TMEM266: variants seen among roughly 807,000 people sequenced by gnomAD.
TMEM266 encodes the protein Hv1 related protein 1.
In TMEM266, 33 loss-of-function variants were observed where a neutral mutation model predicts 50.5. That is an observed-to-expected ratio of 0.65 (90% CI 0.50 to 0.87). TMEM266 has a LOEUF of 0.87. Among genes scored for constraint, TMEM266 ranks in the 40% least tolerant of loss-of-function variants. TMEM266 has a pLI of 0.00. For synonymous variants in TMEM266, 310 were observed against 292.3 expected (o/e 1.06, Z -0.62); for missense variants, 655 against 695.1 (o/e 0.94, Z 0.65).
intron 3 of TMEM266, among the ~76,000 whole-genome samples, chr15:76,140,549 C>G (rs1054145693): frequency 6.6e-6 from 1 of 152,160 alleles, no homozygotes; most frequent in East Asian, 1.9e-4. Context: ...CTCAGGGACC[C>G]TGGCAGAAAG....
At chr15:76,167,993 T>C (rs1342407887) in intron 5 of TMEM266, among the ~76,000 whole-genome samples, 1 of 152,214 alleles carries the variant, frequency 6.6e-6, no homozygotes, top group African/African-American at 2.4e-5. Flanking sequence ...ATATAGTAGA[T>C]GGCAGATATT....
intron 1 of TMEM266, among the ~76,000 whole-genome samples, chr15:76,067,512 A>T (rs1249933640): frequency 6.6e-6 from 1 of 151,876 alleles, no homozygotes; most frequent in Non-Finnish European, 1.5e-5. Context: ...GTGTGGTGGC[A>T]CATGCCTGTA....
Position 76,153,603 on chromosome 15 carries a change from G to C in TMEM266, c.228-3001G>C, listed in dbSNP as rs1292194745. On this transcript the variant is annotated intron_variant, in intron 3 of 10. Transcript: ENST00000388942. The surrounding 1 kb of genome is among the most constrained non-coding windows in gnomAD (Gnocchi z 4.2). ...AAAAGACCATGCTAGAGCTGTGGGG[G>C]AGGAGTGAGCAGGCAGAGGGCAGGA... Among the ~76,000 whole-genome samples the C allele has an allele frequency of 6.6e-6, 1 of 152,218 alleles. No individual in the cohort carries two copies. The highest frequency in any genetic ancestry group is 2.4e-5 in the African/African-American group (1 of 41,460).
chr15:76,203,657 C>G (rs1213845106), intron 10 of TMEM266, 84 bp from the exon 11 acceptor site: 3 of 1,337,090 alleles, frequency 2.2e-6, no homozygotes, highest in African/African-American at 2.9e-5. Context: ...TCATTGCCCA[C>G]CGCCCGGCTC....
intron 1 of TMEM266, among the ~76,000 whole-genome samples, chr15:76,096,100 T>C (rs1258623610): frequency 6.6e-6 from 1 of 152,092 alleles, no homozygotes; most frequent in Non-Finnish European, 1.5e-5. Flanking sequence ...GGATTTTTCT[T>C]GTCTCTATCT....
chr15:76,129,671 CAAAA>C (rs371509172), intron 1 of TMEM266, among the ~76,000 whole-genome samples: 1 of 150,928 alleles, frequency 6.6e-6, no homozygotes, highest in Non-Finnish European at 1.5e-5. Flanking sequence ...AAAAACAAAA[CAAAA>C]AAAACTGCTA....
intron 8 of TMEM266, chr15:76,178,822 T>TA (rs922347782): frequency 6.6e-5 from 10 of 152,216 alleles, no homozygotes; most frequent in African/African-American, 1.7e-4. Context: ...CATTTTAATT[T>TA]AAAAAACACC....
intron 1 of TMEM266, among the ~76,000 whole-genome samples, chr15:76,062,388 T>G (rs2036321573): frequency 6.6e-6 from 1 of 152,268 alleles, no homozygotes. Context: ...CACTGTTCTT[T>G]TGAAACAGTA....
rs2037649979 is a variant in TMEM266, at chr15:76,139,831, C to A, written c.227+1936C>A. 2.0e-5 allele frequency among the ~76,000 whole-genome samples: 3 copies of A among 152,346 alleles called. 1 individual carries two copies. In the South Asian group the frequency reaches 6.2e-4, roughly 32 times the overall value. On this transcript the variant is annotated intron_variant, in intron 3 of 10. Coordinates refer to ENST00000388942, the MANE Select transcript of TMEM266 (RefSeq NM_152335.3). This position sits in a 1 kb window ranked among gnomAD's most constrained non-coding sequence, Gnocchi z 4.1. Reference sequence around the variant, plus strand: ...TCAGGGATTCTGCTTCGGAGCAAAGCAGTGTCCACATGTGCCCCCTGTGCG... The same window carrying A: ...TCAGGGATTCTGCTTCGGAGCAAAGAAGTGTCCACATGTGCCCCCTGTGCG...
chr15:76,170,889 G>A (rs913342766), intron 6 of TMEM266, 104 bp from the exon 7 acceptor site: 16 of 1,414,864 alleles, frequency 1.1e-5, no homozygotes, highest in Middle Eastern at 2.6e-4. Context: ...GTGGGGGCCC[G>A]GGCTGCTGGA....
intron 8 of TMEM266, among the ~76,000 whole-genome samples, chr15:76,185,340 T>A (rs935783178): frequency 7.9e-5 from 12 of 152,204 alleles, no homozygotes; most frequent in Admixed American, 3.3e-4. Context: ...CCTTTTTTAA[T>A]GGCTGTAAGT....
chr15:76,086,843 C>T (rs1362732630), intron 1 of TMEM266, among the ~76,000 whole-genome samples: 1 of 151,028 alleles, frequency 6.6e-6, no homozygotes, highest in Non-Finnish European at 1.5e-5. Context: ...AGACTTGGCC[C>T]ATAACCAGCC....
chr15:76,102,684 C>T (rs2037017015), intron 1 of TMEM266, among the ~76,000 whole-genome samples: 1 of 151,908 alleles, frequency 6.6e-6, no homozygotes, highest in African/African-American at 2.4e-5. Flanking sequence ...ACTAAAAATA[C>T]AAAAATTAGC....
chr15:76,102,840 C>CA (rs576336505), intron 1 of TMEM266, among the ~76,000 whole-genome samples: 3,357 of 47,940 alleles, frequency 0.07, 118 homozygotes, highest in African/African-American at 0.13. Context: ...CCCTTATCTC[C>CA]AAAAAAAAAA....
chr15:76,103,816 G>A (rs1164106215), intron 1 of TMEM266, among the ~76,000 whole-genome samples: 1 of 151,838 alleles, frequency 6.6e-6, no homozygotes, highest in Non-Finnish European at 1.5e-5. Context: ...GGAGGCTGAG[G>A]CAGGAGAATC....
At chr15:76,163,119 A>G (rs1312978406) in intron 5 of TMEM266, among the ~76,000 whole-genome samples, 1 of 152,138 alleles carries the variant, frequency 6.6e-6, no homozygotes, top group African/African-American at 2.4e-5. Context: ...AGGTGCGGAA[A>G]CCTGCCCAGG....
intron 1 of TMEM266, among the ~76,000 whole-genome samples, chr15:76,103,449 A>G (rs2142005111): frequency 6.6e-6 from 1 of 152,092 alleles, no homozygotes; most frequent in African/African-American, 2.4e-5. Context: ...GCAGTAAGCC[A>G]TGATCACACC....
chr15:76,195,813 G>A (rs1596170865), intron 9 of TMEM266, among the ~76,000 whole-genome samples: 1 of 152,212 alleles, frequency 6.6e-6, no homozygotes, highest in African/African-American at 2.4e-5. Context: ...GACCCTGAAC[G>A]CCAGATGCCA....
chr15:76,195,520 C>T (rs2038640373), intron 9 of TMEM266, among the ~76,000 whole-genome samples: 2 of 152,184 alleles, frequency 1.3e-5, no homozygotes, highest in Non-Finnish European at 1.5e-5. Context: ...GCAATTTTTG[C>T]CCACTTCGCC....
Sources: gnomAD v4.1 joint callset for allele counts (sites outside exome capture counted in the v4.1 genomes callset) on GRCh38, gnomAD v4.1.1 for gene constraint, Gnocchi (gnomAD v3.1) non-coding constraint, MANE v1.5 for transcripts, NCBI Gene and HGNC (gene_info 2026-07-23, HGNC 2026-07-21) for gene names.